The following OTOGL variants were observed in gnomAD, a reference collection of about 807,000 sequenced individuals.
OTOGL encodes the protein otogelin like.
A neutral mutation model predicts 318.5 loss-of-function variants in OTOGL; 285 were observed. The ratio of observed to expected loss-of-function variants is 0.89; its 90% CI spans 0.81 to 0.99. The LOEUF (loss-of-function observed/expected upper bound fraction) is 0.99. Among genes scored for constraint, OTOGL ranks in the 50% least tolerant of loss-of-function variants. The pLI is 0.00. For synonymous variants in OTOGL, 987 were observed against 936.5 expected (o/e 1.05, Z -0.99); for missense variants, 2,899 against 2,845.6 (o/e 1.02, Z -0.43).
In OTOGL at chr12:80,318,692, C is replaced by T; in HGVS notation, c.3781C>T (p.Leu1261Phe). The T allele has an allele frequency of 7.6e-7, 1 of 1,323,966 alleles. No individual in the cohort carries two copies. The highest frequency in any genetic ancestry group is 9.7e-7 in the Non-Finnish European group (1 of 1,025,806). The allele number at this position is 1,323,966 out of a possible 1,614,324, so 82.0% of individuals were successfully genotyped here. Residue 1261 changes from leucine to phenylalanine, a missense_variant, in exon 33 of 59, where the codon CTT (leucine) becomes TTT (phenylalanine). By Grantham distance (22) the Leu-to-Phe change is conservative (BLOSUM62 0). Around this residue, in one of 3 missense-constraint regions of OTOGL, gnomAD observed 2,607 missense variants for 2,524.9 expected, o/e 1.03. Transcript: ENST00000547103. ...TTTTTATTTTATGATCACTCCAGGC[C>T]TTTTCAAAGAGAAGGTATCATGTAA... ...LFFYFMITPG[L>F]FKEKVSSLAL... is the part of the protein sequence containing the mutation.
intron 42 of OTOGL, among the ~76,000 whole-genome samples, chr12:80,338,524 A>G (rs1416278621): frequency 6.6e-6 from 1 of 152,074 alleles, no homozygotes; most frequent in African/African-American, 2.4e-5. Context: ...CTACATTAGT[A>G]TTACCAAATA....
At chr12:80,125,467 G>A (rs566407157) in intron 1 of OTOGL, among the ~76,000 whole-genome samples, 5 of 152,154 alleles carry the variant, frequency 3.3e-5, no homozygotes, top group African/African-American at 1.2e-4. Context: ...TTTTTGCATC[G>A]ATGTTCATCA....
intron 1 of OTOGL, among the ~76,000 whole-genome samples, chr12:80,191,592 A>C (rs1875702327): frequency 6.6e-6 from 1 of 152,242 alleles, no homozygotes; most frequent in East Asian, 1.9e-4. Flanking sequence ...CATTTTATAA[A>C]GTTTTATTCT....
chr12:80,156,513 A>C (rs554050517), intron 1 of OTOGL, among the ~76,000 whole-genome samples: 1 of 152,190 alleles, frequency 6.6e-6, no homozygotes, highest in African/African-American at 2.4e-5. Flanking sequence ...TGCGTCCCCC[A>C]TACAGGTCTC....
At chr12:80,188,026 G>A (rs1486072756) in intron 1 of OTOGL, among the ~76,000 whole-genome samples, 1 of 152,190 alleles carries the variant, frequency 6.6e-6, no homozygotes, top group African/African-American at 2.4e-5. Context: ...GCCAGGAGTT[G>A]ACACAGGATG....
At chr12:80,372,249 T>G (rs1353942814) in intron 57 of OTOGL, among the ~76,000 whole-genome samples, 185 bp downstream of exon 57, 1 of 152,126 alleles carries the variant, frequency 6.6e-6, no homozygotes, top group Non-Finnish European at 1.5e-5. Context: ...AGTCTTTAAC[T>G]TAAAGGTTTT....
At chr12:80,367,056 A>G (rs1041831445) in intron 53 of OTOGL, among the ~76,000 whole-genome samples, 1 of 151,814 alleles carries the variant, frequency 6.6e-6, no homozygotes, top group Non-Finnish European at 1.5e-5. Flanking sequence ...AGCCCACTGC[A>G]GCCTCAAACT....
At chr12:80,328,319 AAACAACAACAAC>A (rs3045899) in intron 35 of OTOGL, among the ~76,000 whole-genome samples, 11 of 148,860 alleles carry the variant, frequency 7.4e-5, no homozygotes, top group Admixed American at 2.0e-4. Flanking sequence ...ACCCTGTCAC[AAACAACAACAAC>A]AACAACAACA....
intron 1 of OTOGL, among the ~76,000 whole-genome samples, chr12:80,202,744 GTCAGGGTTC>G (rs1876548238): frequency 6.6e-6 from 1 of 152,132 alleles, no homozygotes; most frequent in Non-Finnish European, 1.5e-5. Flanking sequence ...CATGTTATTA[GTCAGGGTTC>G]TCCAGAGAAA....
At chr12:80,282,859 CT>C (rs1360599657) in intron 26 of OTOGL, among the ~76,000 whole-genome samples, 1 of 151,832 alleles carries the variant, frequency 6.6e-6, no homozygotes, top group African/African-American at 2.4e-5. Flanking sequence ...TTCTTTCTCT[CT>C]GGTTTCTTCT....
intron 1 of OTOGL, among the ~76,000 whole-genome samples, chr12:80,105,421 T>C: frequency 6.6e-6 from 1 of 152,218 alleles, no homozygotes; most frequent in East Asian, 1.9e-4. Flanking sequence ...AAGTTTCTCA[T>C]ATCCTAGCTA....
chr12:80,253,673 C>A, intron 14 of OTOGL, 99 bp downstream of exon 14: 1 of 909,244 alleles, frequency 1.1e-6, no homozygotes, highest in Non-Finnish European at 1.6e-6. Flanking sequence ...TACTAATTTA[C>A]TTCCCAAATT....
intron 32 of OTOGL, 129 bp downstream of exon 32, chr12:80,314,460 G>A (rs1886848989): frequency 3.2e-6 from 1 of 312,216 alleles, no homozygotes; most frequent in African/African-American, 2.2e-5. Context: ...CTCCATAAAA[G>A]CTTTTAATTT....
chr12:80,253,340 TAAAGA>T, intron 13 of OTOGL, 121 bp from the exon 14 acceptor site: 1 of 814,176 alleles, frequency 1.2e-6, no homozygotes, highest in Non-Finnish European at 1.9e-6. Flanking sequence ...CCACTGAAAG[TAAAGA>T]AATTTGTATT....
intron 1 of OTOGL, among the ~76,000 whole-genome samples, chr12:80,165,038 G>A (rs1459456535): frequency 2.6e-5 from 4 of 152,062 alleles, no homozygotes; most frequent in African/African-American, 4.8e-5. Context: ...AATAAAATGA[G>A]GAAATGGTGT....
chr12:80,107,573 G>A (rs11829751), intron 1 of OTOGL, among the ~76,000 whole-genome samples: 2,915 of 152,096 alleles, frequency 0.019, 82 homozygotes, highest in African/African-American at 0.064. Flanking sequence ...CAGAATTACC[G>A]TTCGACCTAG....
rs1307601936 is a variant in OTOGL, at chr12:80,355,622, T to C, written c.5594-114T>C. 4.0e-6 allele frequency: 3 copies of C among 759,048 alleles called. No homozygotes were observed. The Admixed American group carries it at 9.1e-5, about 23-fold the overall frequency. The allele number at this position is 759,048 out of a possible 1,614,324, so 47.0% of individuals were successfully genotyped here. On this transcript the variant is annotated intron_variant, in intron 46 of 58. Coordinates refer to ENST00000547103, the MANE Select transcript of OTOGL (RefSeq NM_001378609.3). ...AGAAATCTGAGAAAAACAATAGACT[T>C]GTGACACATCATTATGTCACTGGGC... is the stretch of plus-strand genomic sequence containing the variant.
chr12:80,147,793 C>T (rs1329475794), intron 1 of OTOGL, among the ~76,000 whole-genome samples: 5 of 152,060 alleles, frequency 3.3e-5, no homozygotes, highest in African/African-American at 4.8e-5. Flanking sequence ...TGAATTGATC[C>T]CTTTACCATT....
At chr12:80,130,084 G>A (rs1871144287) in intron 1 of OTOGL, among the ~76,000 whole-genome samples, 1 of 151,614 alleles carries the variant, frequency 6.6e-6, no homozygotes, top group South Asian at 2.1e-4. Flanking sequence ...CCAAGTCTAT[G>A]TCATACTTGT....
Sources: allele counts gnomAD v4.1 joint callset (sites outside exome capture counted in the v4.1 genomes callset), GRCh38; gene constraint gnomAD v4.1.1; regional missense constraint gnomAD v4.1.1; transcripts MANE v1.5; gene names NCBI Gene and HGNC (gene_info 2026-07-23, HGNC 2026-07-21).